The following RASGEF1C variants were observed in gnomAD, a reference collection of about 807,000 sequenced individuals.
The protein encoded by RASGEF1C is ras-GEF domain-containing family member 1C.
RASGEF1C carries 27 observed loss-of-function variants against 58.1 expected under a neutral mutation model. The observed-to-expected ratio is 0.46, with a 90% CI of 0.34 to 0.64. The LOEUF (loss-of-function observed/expected upper bound fraction) is 0.64. RASGEF1C is among the 30% of genes least tolerant of loss of function. The probability of loss-of-function intolerance (pLI) is 0.01; values close to 1 mark genes in which losing one functional copy is unlikely to be tolerated. For synonymous variants in RASGEF1C, 243 were observed against 246.3 expected (o/e 0.99, Z 0.13); for missense variants, 502 against 605.1 (o/e 0.83, Z 1.79).
chr5:180,205,172 G>C (rs959960234), intron 1 of RASGEF1C, among the ~76,000 whole-genome samples: 2 of 152,078 alleles, frequency 1.3e-5, no homozygotes, highest in African/African-American at 4.8e-5. Flanking sequence ...CTGGGTGACA[G>C]AGCGAGACTC....
intron 6 of RASGEF1C, among the ~76,000 whole-genome samples, chr5:180,124,496 C>T (rs878869147): frequency 2.0e-5 from 3 of 152,164 alleles, no homozygotes; most frequent in East Asian, 1.9e-4. Flanking sequence ...ATCCCAGTTT[C>T]GTTTATCTCA....
chr5:180,106,707 T>C (rs1765879408), intron 12 of RASGEF1C, among the ~76,000 whole-genome samples: 1 of 152,224 alleles, frequency 6.6e-6, no homozygotes, highest in African/African-American at 2.4e-5. Flanking sequence ...TTTTGGTCTA[T>C]ATTCTGGGGG....
chr5:180,173,859 G>A (rs1767162946), intron 1 of RASGEF1C, among the ~76,000 whole-genome samples: 1 of 151,690 alleles, frequency 6.6e-6, no homozygotes, highest in South Asian at 2.1e-4. Context: ...TTTGCAGTGA[G>A]CTGAGATTGT....
At chr5:180,193,124 C>T (rs772880779) in intron 1 of RASGEF1C, among the ~76,000 whole-genome samples, 8 of 146,934 alleles carry the variant, frequency 5.4e-5, no homozygotes, top group Middle Eastern at 7.2e-3. Flanking sequence ...GGCGCGATCT[C>T]GGCTCACTGC....
In RASGEF1C at chr5:180,137,029, C is replaced by T. The variant is rs1190240476; in HGVS notation, c.301-514G>A. 1.3e-5 allele frequency among the ~76,000 whole-genome samples: 2 copies of T among 152,120 alleles called. No individual in the cohort carries two copies. The highest frequency in any genetic ancestry group is 3.9e-4 in the East Asian group (2 of 5,172). ...CGGCCAAGCGCCACACCAGCCAGCC[C>T]GAGGGAGGCCAGCCCCGGGAAGCGG... On this transcript the variant is annotated intron_variant, in intron 3 of 13. Coordinates refer to ENST00000361132, the MANE Select transcript of RASGEF1C (RefSeq NM_175062.4). The surrounding 1 kb of genome is among the most constrained non-coding windows in gnomAD (Gnocchi z 4.1).
intron 1 of RASGEF1C, among the ~76,000 whole-genome samples, chr5:180,149,088 C>CTTTTTTTTT (rs61204210): frequency 4.4e-4 from 48 of 110,104 alleles, no homozygotes; most frequent in African/African-American, 7.0e-4. Context: ...CTTTTTTTTT[C>CTTTTTTTTT]TTTTTTTTTT....
At chr5:180,152,563 T>A in intron 1 of RASGEF1C, among the ~76,000 whole-genome samples, 1 of 54,804 alleles carries the variant, frequency 1.8e-5, no homozygotes, top group African/African-American at 7.7e-5. Context: ...GGGCCTGTTG[T>A]GGGGTGGGGG....
In RASGEF1C at chr5:180,113,685, T is replaced by C. The variant is rs868267099; in HGVS notation, c.1179+761A>G. On this transcript the variant is annotated intron_variant, in intron 11 of 13. Transcript: ENST00000361132. Reference sequence around the variant, plus strand: ...GAGGGACCGGGGATGGATGGAGGGATCGGGGATGGACGGAGGGATCGGGGA... The same window carrying C: ...GAGGGACCGGGGATGGATGGAGGGACCGGGGATGGACGGAGGGATCGGGGA... Among the ~76,000 whole-genome samples the C allele has an allele frequency of 5.9e-4, 49 of 83,260 alleles. 6 individuals are homozygous for C. Among genetic ancestry groups the C allele is most frequent in the Middle Eastern group, 8.6e-3 (1 of 116 alleles). 54.6% of individuals were successfully genotyped at this position (83,260 alleles called of 152,430 possible). A position where few individuals can be genotyped will look rare whatever the true frequency, so the allele number is the denominator to read the frequency against.
chr5:180,199,648 C>T (rs1343210979), intron 1 of RASGEF1C, among the ~76,000 whole-genome samples: 1 of 152,006 alleles, frequency 6.6e-6, no homozygotes, highest in African/African-American at 2.4e-5. Flanking sequence ...ACCAAGGTGA[C>T]CTCTGCCTTC....
chr5:180,171,116 T>C (rs2113310283), intron 1 of RASGEF1C, among the ~76,000 whole-genome samples: 1 of 152,054 alleles, frequency 6.6e-6, no homozygotes, highest in South Asian at 2.1e-4. Flanking sequence ...CCTGTGGCCT[T>C]CCCCCAGCCC....
At chr5:180,187,064 C>T (rs1196494518) in intron 1 of RASGEF1C, among the ~76,000 whole-genome samples, 1 of 152,178 alleles carries the variant, frequency 6.6e-6, no homozygotes, top group Non-Finnish European at 1.5e-5. Context: ...AGTTGAAGGA[C>T]TCACACTTCC....
chr5:180,185,063 T>C (rs907814017), intron 1 of RASGEF1C, among the ~76,000 whole-genome samples: 7 of 152,004 alleles, frequency 4.6e-5, no homozygotes, highest in South Asian at 4.2e-4. Flanking sequence ...GAGGCCGAGG[T>C]GGGCGGATCA....
intron 1 of RASGEF1C, among the ~76,000 whole-genome samples, chr5:180,205,980 C>T (rs1478055305): frequency 6.6e-6 from 1 of 152,132 alleles, no homozygotes; most frequent in African/African-American, 2.4e-5. Context: ...AGTGATCTGC[C>T]TGCCTCAGCC....
chr5:180,140,075 A>C (rs1766550765), intron 1 of RASGEF1C, among the ~76,000 whole-genome samples: 1 of 152,178 alleles, frequency 6.6e-6, no homozygotes, highest in Non-Finnish European at 1.5e-5. Flanking sequence ...GGAGGCTCCC[A>C]GGGGACCTGG....
intron 6 of RASGEF1C, among the ~76,000 whole-genome samples, chr5:180,123,266 G>A (rs1766204166): frequency 6.6e-6 from 1 of 152,156 alleles, no homozygotes; most frequent in Admixed American, 6.5e-5. Flanking sequence ...ATCAGGAGAA[G>A]TTGAGTCCTA....
chr5:180,150,601 A>G (rs928868767), intron 1 of RASGEF1C, among the ~76,000 whole-genome samples: 3 of 151,950 alleles, frequency 2.0e-5, no homozygotes, highest in African/African-American at 7.3e-5. Flanking sequence ...AGGCTGAGGT[A>G]GGCGGATCAC....
intron 1 of RASGEF1C, among the ~76,000 whole-genome samples, chr5:180,184,739 T>G (rs1264773276): frequency 1.3e-5 from 2 of 152,224 alleles, no homozygotes; most frequent in East Asian, 3.8e-4. Flanking sequence ...AGAGCTGGTA[T>G]GTCTATAATT....
At chr5:180,116,587 C>A (rs1766072414) in intron 10 of RASGEF1C, among the ~76,000 whole-genome samples, 1 of 152,258 alleles carries the variant, frequency 6.6e-6, no homozygotes, top group South Asian at 2.1e-4. Flanking sequence ...CCGCCTACAG[C>A]ACCAATGCAC....
intron 1 of RASGEF1C, among the ~76,000 whole-genome samples, chr5:180,167,172 C>G (rs1361562414): frequency 6.6e-6 from 1 of 152,172 alleles, no homozygotes; most frequent in Non-Finnish European, 1.5e-5. Flanking sequence ...GTGCCGCACT[C>G]TTTCTCCTGT....
Sources: allele counts gnomAD v4.1 joint callset (sites outside exome capture counted in the v4.1 genomes callset), GRCh38; gene constraint gnomAD v4.1.1; non-coding constraint Gnocchi (gnomAD v3.1); transcripts MANE v1.5; gene names NCBI Gene and HGNC (gene_info 2026-07-23, HGNC 2026-07-21).